The following NKAIN2 variants were observed in gnomAD, a reference collection of about 807,000 sequenced individuals.
NKAIN2 encodes sodium/potassium-transporting ATPase subunit beta-1-interacting protein 2.
Under a neutral mutation model 32.6 loss-of-function variants are expected in NKAIN2, and 14 were observed. The observed-to-expected ratio is 0.43, with a 90% CI of 0.28 to 0.67. NKAIN2 has a LOEUF of 0.67. Among genes scored for constraint, NKAIN2 ranks in the 30% least tolerant of loss-of-function variants. The probability of loss-of-function intolerance (pLI) is 0.17; values close to 1 mark genes in which losing one functional copy is unlikely to be tolerated. For synonymous variants in NKAIN2, 80 were observed against 87.2 expected (o/e 0.92, Z 0.46); for missense variants, 198 against 258.3 (o/e 0.77, Z 1.60).
chr6:124,511,334 C>G (rs932913294), intron 3 of NKAIN2, among the ~76,000 whole-genome samples: 2 of 152,018 alleles, frequency 1.3e-5, no homozygotes, highest in African/African-American at 4.8e-5. Context: ...TGAATTCTAC[C>G]CTAGAGGAGT....
At chr6:124,401,142 T>C (rs332608) in intron 3 of NKAIN2, among the ~76,000 whole-genome samples, 30,864 of 152,042 alleles carry the variant, frequency 0.2, 3,328 homozygotes, top group East Asian at 0.37. Context: ...AGTGCTTTTA[T>C]TTATTATTAC....
intron 1 of NKAIN2, among the ~76,000 whole-genome samples, chr6:124,199,491 A>G (rs1413854730): frequency 6.6e-6 from 1 of 152,174 alleles, no homozygotes; most frequent in Non-Finnish European, 1.5e-5. Flanking sequence ...TTTGTTTGAC[A>G]TCTTCAAAGT....
intron 4 of NKAIN2, among the ~76,000 whole-genome samples, chr6:124,671,052 G>C (rs1048502187): frequency 6.6e-5 from 10 of 151,938 alleles, no homozygotes; most frequent in Admixed American, 2.0e-4. Flanking sequence ...TATTTTTAGG[G>C]CACCACCTGC....
At chr6:124,135,299 G>A (rs1786701524) in intron 1 of NKAIN2, among the ~76,000 whole-genome samples, 1 of 151,640 alleles carries the variant, frequency 6.6e-6, no homozygotes, top group Admixed American at 6.6e-5. Context: ...TAATGTAAAT[G>A]GCCTAAATGC....
intron 1 of NKAIN2, among the ~76,000 whole-genome samples, chr6:123,940,590 T>C (rs1776770207): frequency 6.6e-6 from 1 of 152,004 alleles, no homozygotes; most frequent in Non-Finnish European, 1.5e-5. Context: ...TAGGCACTTG[T>C]AACACAAAGA....
chr6:124,672,184 T>A (rs1006803495), intron 4 of NKAIN2, among the ~76,000 whole-genome samples: 1 of 152,056 alleles, frequency 6.6e-6, no homozygotes, highest in Non-Finnish European at 1.5e-5. Flanking sequence ...GAATTATAAG[T>A]CTGCAATGAT....
intron 2 of NKAIN2, among the ~76,000 whole-genome samples, chr6:124,322,647 A>G (rs1312441650): frequency 1.3e-5 from 2 of 152,252 alleles, no homozygotes; most frequent in East Asian, 1.9e-4. Flanking sequence ...TATTCACCCA[A>G]TATTTAATTA....
At chr6:124,315,964 G>A (rs753738049) in intron 2 of NKAIN2, among the ~76,000 whole-genome samples, 2 of 151,972 alleles carry the variant, frequency 1.3e-5, no homozygotes, top group South Asian at 2.1e-4. Context: ...TTCCTAGTAC[G>A]CTGCACCTAA....
In NKAIN2 at chr6:124,155,577, T is replaced by C. The variant is rs145307225; in HGVS notation, c.55-127428T>C. 1.1e-4 allele frequency among the ~76,000 whole-genome samples: 17 copies of C among 151,298 alleles called. No individual in the cohort carries two copies. The East Asian group carries it at 3.3e-3, about 29-fold the overall frequency. On this transcript the variant is annotated intron_variant, in intron 1 of 6. Coordinates refer to ENST00000368417, the MANE Select transcript of NKAIN2 (RefSeq NM_001040214.3). The stretch of plus-strand genomic sequence containing the variant: ...TTATTTAGGATAGATGATGAAAACA[T>C]ATGTGTGTAATATATGCTATCTTTT...
chr6:124,780,902 G>C (rs1779232311), intron 4 of NKAIN2, among the ~76,000 whole-genome samples: 1 of 152,094 alleles, frequency 6.6e-6, no homozygotes, highest in South Asian at 2.1e-4. Context: ...TAAATGAGTG[G>C]GAGGAGCATG....
At chr6:123,859,500 G>A (rs1375797063) in intron 1 of NKAIN2, among the ~76,000 whole-genome samples, 1 of 151,756 alleles carries the variant, frequency 6.6e-6, no homozygotes, top group Non-Finnish European at 1.5e-5. Flanking sequence ...TTATTTTAAA[G>A]AGGCAGCCAA....
intron 4 of NKAIN2, among the ~76,000 whole-genome samples, chr6:124,669,995 T>G (rs764407087): frequency 2.6e-5 from 4 of 152,076 alleles, no homozygotes; most frequent in African/African-American, 4.8e-5. Context: ...CATGCTGTCA[T>G]CTTCACTCTG....
At chr6:124,293,174 T>C (rs991461282) in intron 2 of NKAIN2, among the ~76,000 whole-genome samples, 1 of 152,166 alleles carries the variant, frequency 6.6e-6, no homozygotes, top group Non-Finnish European at 1.5e-5. Flanking sequence ...GAATAGCTAA[T>C]AATATTTTAT....
intron 3 of NKAIN2, among the ~76,000 whole-genome samples, chr6:124,650,786 G>A (rs977460642): frequency 5.9e-5 from 9 of 152,062 alleles, no homozygotes; most frequent in South Asian, 4.2e-4. Context: ...CTTCTGGTCC[G>A]CCAGAATCTA....
intron 4 of NKAIN2, among the ~76,000 whole-genome samples, chr6:124,734,297 G>A (rs1251918709): frequency 1.3e-5 from 2 of 151,716 alleles, no homozygotes; most frequent in Non-Finnish European, 2.9e-5. Flanking sequence ...TCTCTGCTGG[G>A]CTTTTAATTA....
At chr6:123,976,372 C>CATATATATATATAT (rs60189624) in intron 1 of NKAIN2, among the ~76,000 whole-genome samples, 2 of 10,924 alleles carry the variant, frequency 1.8e-4, no homozygotes, top group Non-Finnish European at 4.2e-4. Context: ...TATATATTCC[C>CATATATATATATAT]ATATATATAT....
chr6:123,846,935 G>A (rs1228261998), intron 1 of NKAIN2, among the ~76,000 whole-genome samples: 1 of 152,110 alleles, frequency 6.6e-6, no homozygotes, highest in Non-Finnish European at 1.5e-5. Flanking sequence ...TGGAGATGGA[G>A]ATAAACGGAT....
At chr6:124,674,934 G>C (rs533792331) in intron 4 of NKAIN2, among the ~76,000 whole-genome samples, 145 of 152,078 alleles carry the variant, frequency 9.5e-4, no homozygotes, top group Non-Finnish European at 3.4e-4. Flanking sequence ...CCTTGTTCCT[G>C]ATCTTCAAGA....
At chr6:124,361,849 G>A (rs1314972975) in intron 3 of NKAIN2, among the ~76,000 whole-genome samples, 1 of 152,064 alleles carries the variant, frequency 6.6e-6, no homozygotes, top group Non-Finnish European at 1.5e-5. Flanking sequence ...ATAATGTACT[G>A]TTCCAACAAT....
Sources: allele counts gnomAD v4.1 joint callset (sites outside exome capture counted in the v4.1 genomes callset), GRCh38; gene constraint gnomAD v4.1.1; transcripts MANE v1.5; gene names NCBI Gene and HGNC (gene_info 2026-07-23, HGNC 2026-07-21).